Variants in DYNC2H1 observed in about 807,000 individuals in gnomAD.
The protein encoded by DYNC2H1 is cytoplasmic dynein 2 heavy chain 1.
Under a neutral mutation model 570.0 loss-of-function variants are expected in DYNC2H1, and 410 were observed. That is an observed-to-expected ratio of 0.72 (90% confidence interval 0.66 to 0.78). The LOEUF is 0.78. Among genes scored for constraint, DYNC2H1 ranks in the 30% least tolerant of loss-of-function variants. The pLI is 0.00. For synonymous variants in DYNC2H1, 1,688 were observed against 1,677.6 expected, an observed-to-expected ratio of 1.01 and a Z score of -0.15; for missense variants, 4,865 against 5,046.4, an observed-to-expected ratio of 0.96 and a Z score of 1.09.
At position 103,256,107 on chromosome 11, in the gene DYNC2H1, C is replaced by T; in HGVS notation, c.10328C>T (p.Thr3443Ile). The T allele has an allele frequency of 1.3e-6, 2 of 1,599,292 alleles. No individual in the cohort carries two copies. Among genetic ancestry groups the T allele is most frequent in the Non-Finnish European group, 1.7e-6 (2 of 1,171,594 alleles). ...TCATATTGTTAACTTTCCCTACAGA[C>T]ACTTGCCACATCTCAAGGCAATATT... ...LAKLEESLLE[T>I]LATSQGNILE... The change falls in exon 68 of 89, where the codon ACA becomes ATA. Residue 3443 changes from threonine (T) to isoleucine (I), a missense_variant and splice_region_variant. Thr to Ile is a moderately conservative substitution (Grantham distance 89). Coordinates refer to ENST00000375735, the MANE Select transcript of DYNC2H1 (RefSeq NM_001377.3). The surrounding 1 kb of genome is among the most constrained non-coding windows in gnomAD (Gnocchi z 4.0).
At chr11:103,119,144 G>A (rs2134707950) in intron 6 of DYNC2H1, among the ~76,000 whole-genome samples, 1 of 152,222 alleles carries the variant, frequency 6.6e-6, no homozygotes, top group East Asian at 1.9e-4. Flanking sequence ...AAGTAGATTA[G>A]TGTCATAGTA....
intron 46 of DYNC2H1, 69 bp downstream of exon 46, chr11:103,191,688 G>A (rs1862321120): frequency 8.1e-6 from 7 of 865,106 alleles, no homozygotes; most frequent in Non-Finnish European, 1.1e-5. Flanking sequence ...GATTGTATTT[G>A]TAATAGATAA....
At chr11:103,115,145 A>G (rs1363889393) in intron 3 of DYNC2H1, 32 bp from the exon 4 acceptor site, 1 of 1,499,074 alleles carries the variant, frequency 6.7e-7, no homozygotes, top group African/African-American at 1.4e-5. Context: ...CTGATATTCT[A>G]TGCCATTTTT....
Position 103,133,754 on chromosome 11 carries a change from A to C in DYNC2H1, c.2106+47A>C. 1.3e-6 allele frequency: 2 copies of C among 1,487,090 alleles called. No homozygotes were observed. The highest frequency in any genetic ancestry group is 1.8e-6 in the Non-Finnish European group (2 of 1,110,976). The allele number at this position is 1,487,090 out of a possible 1,614,324, so 92.1% of individuals were successfully genotyped here. On this transcript the variant is annotated intron_variant, in intron 14 of 88. Transcript: ENST00000375735. The surrounding 1 kb of genome is among the most constrained non-coding windows in gnomAD (Gnocchi z 4.8). ...GAATAAGCTATGAATGATATTATTTAAAAAGTCATTAAGATACAATTTTTA... is the reference window on the plus strand; with the variant it reads ...GAATAAGCTATGAATGATATTATTTCAAAAGTCATTAAGATACAATTTTTA...
chr11:103,210,337 T>C (rs1025712915), intron 53 of DYNC2H1, among the ~76,000 whole-genome samples: 13 of 152,054 alleles, frequency 8.5e-5, no homozygotes, highest in African/African-American at 2.4e-4. Flanking sequence ...GAAAAAGTTT[T>C]ATGACATTCT....
intron 83 of DYNC2H1, among the ~76,000 whole-genome samples, chr11:103,388,105 TTTCACGATA>T (rs1941971712): frequency 6.6e-6 from 1 of 152,202 alleles, no homozygotes. Flanking sequence ...GTATGGCCAT[TTTCACGATA>T]ATGATTCTTC....
Position 103,239,869 on chromosome 11 carries a change from T to C in DYNC2H1, c.9819+3330T>C, listed in dbSNP as rs1353996243. On this transcript the variant is annotated intron_variant, in intron 63 of 88. Transcript: ENST00000375735. The surrounding 1 kb of genome is among the most constrained non-coding windows in gnomAD (Gnocchi z 4.3). ...AAAAATATCCTTTGACCAATCTTTT[T>C]TTCCCCCAAGGAGAGAAGAATTTAA... 6.6e-6 allele frequency among the ~76,000 whole-genome samples: 1 copy of C among 152,180 alleles called. No individual in the cohort carries two copies. Among genetic ancestry groups the C allele is most frequent in the African/African-American group, 2.4e-5 (1 of 41,442 alleles).
chr11:103,456,214 C>G, intron 86 of DYNC2H1, 61 bp from the exon 87 acceptor site: 6 of 1,274,622 alleles, frequency 4.7e-6, no homozygotes, highest in Non-Finnish European at 6.6e-6. Context: ...TCTTCAGTTA[C>G]TCTTCATATT....
chr11:103,170,023 T>C lies in DYNC2H1; in HGVS notation c.4969-85T>C. 7.8e-7 allele frequency: 1 copy of C among 1,281,772 alleles called. No homozygotes were observed. The highest frequency in any genetic ancestry group is 1.0e-6 in the Non-Finnish European group (1 of 966,956). The allele number at this position is 1,281,772 out of a possible 1,614,324, so 79.4% of individuals were successfully genotyped here. A position where few individuals can be genotyped will look rare whatever the true frequency, so the allele number is the denominator to read the frequency against. On this transcript the variant is annotated intron_variant, in intron 32 of 88. Coordinates refer to ENST00000375735, the MANE Select transcript of DYNC2H1 (RefSeq NM_001377.3). This position sits in a 1 kb window ranked among gnomAD's most constrained non-coding sequence, Gnocchi z 4.8. ...TAACCTGTTTGTTGCATTTTTATCT[T>C]TTTAACTACAATCTCATGCTGTAAA... is the stretch of plus-strand genomic sequence containing the variant.
intron 17 of DYNC2H1, among the ~76,000 whole-genome samples, chr11:103,143,017 T>G (rs561973939): frequency 5.9e-5 from 9 of 152,334 alleles, no homozygotes; most frequent in Admixed American, 1.3e-4. Context: ...TTATTTAATT[T>G]GAGAAGAGAA....
intron 86 of DYNC2H1, among the ~76,000 whole-genome samples, chr11:103,455,977 A>C (rs930735574): frequency 6.6e-6 from 1 of 152,134 alleles, no homozygotes; most frequent in Admixed American, 6.5e-5. Flanking sequence ...CAGCTAATAA[A>C]CATTTATTGA....
At chr11:103,475,852 A>T (rs1337497571) in intron 88 of DYNC2H1, among the ~76,000 whole-genome samples, 1 of 152,186 alleles carries the variant, frequency 6.6e-6, no homozygotes, top group Non-Finnish European at 1.5e-5. Flanking sequence ...TAGTCTTTAC[A>T]TCGATATAGA....
In DYNC2H1 at chr11:103,241,513, T is replaced by C; in HGVS notation, c.9820-2180T>C. On this transcript the variant is annotated intron_variant, in intron 63 of 88. Coordinates refer to ENST00000375735, the MANE Select transcript of DYNC2H1 (RefSeq NM_001377.3). This position sits in a 1 kb window ranked among gnomAD's most constrained non-coding sequence, Gnocchi z 5.1. ...TGAAATGTTACCTTTCTTCTTTTCA[T>C]TTAACTGCATCAGATCATTGGTTTG... 1 of 1,592,692 alleles carries C rather than the reference T, an allele frequency of 6.3e-7. No homozygotes were observed. Among genetic ancestry groups the C allele is most frequent in the Non-Finnish European group, 8.6e-7 (1 of 1,164,062 alleles).
intron 18 of DYNC2H1, among the ~76,000 whole-genome samples, chr11:103,147,196 G>A (rs1860281280): frequency 1.3e-5 from 2 of 152,226 alleles, no homozygotes; most frequent in East Asian, 1.9e-4. Context: ...TACAAAGATT[G>A]CATTGTTTTA....
chr11:103,172,132 ATGT>A (rs1284054875), intron 34 of DYNC2H1, among the ~76,000 whole-genome samples: 1 of 152,154 alleles, frequency 6.6e-6, no homozygotes, highest in Non-Finnish European at 1.5e-5. Context: ...AATTGTTAAC[ATGT>A]TGTTTATGTG....
intron 84 of DYNC2H1, among the ~76,000 whole-genome samples, chr11:103,424,688 T>C (rs1474453300): frequency 8.1e-6 from 1 of 123,306 alleles, no homozygotes; most frequent in African/African-American, 3.6e-5. Context: ...CTGGCAAATG[T>C]TTAAAAACTG....
chr11:103,216,731 G>A (rs976964146), intron 55 of DYNC2H1, among the ~76,000 whole-genome samples: 1 of 151,782 alleles, frequency 6.6e-6, no homozygotes, highest in Non-Finnish European at 1.5e-5. Context: ...GGCAGAGGTT[G>A]CACAACGAGC....
chr11:103,221,865 A>C (rs1049183361), intron 57 of DYNC2H1, among the ~76,000 whole-genome samples, 165 bp from the exon 58 acceptor site: 8 of 152,196 alleles, frequency 5.3e-5, no homozygotes, highest in African/African-American at 1.9e-4. Context: ...CAAATCAAAC[A>C]AACAAAAATA....
chr11:103,182,085 A>C (rs1861874074), intron 40 of DYNC2H1, among the ~76,000 whole-genome samples, 199 bp downstream of exon 40: 1 of 151,614 alleles, frequency 6.6e-6, no homozygotes, highest in Admixed American at 6.6e-5. Flanking sequence ...TGTTAGTCTT[A>C]AAACATTTTA....
Sources: allele counts gnomAD v4.1 joint callset (sites outside exome capture counted in the v4.1 genomes callset), GRCh38; gene constraint gnomAD v4.1.1; non-coding constraint Gnocchi (gnomAD v3.1); transcripts MANE v1.5; gene names NCBI Gene and HGNC (gene_info 2026-07-23, HGNC 2026-07-21).